The following SEMA7A variants were observed in gnomAD, a reference collection of about 807,000 sequenced individuals.
SEMA7A encodes the protein semaphorin 7A (JohnMiltonHagen blood group).
SEMA7A carries 21 observed loss-of-function variants against 67.5 expected under a neutral mutation model. That is an observed-to-expected ratio of 0.31 (90% CI 0.22 to 0.45). The LOEUF is 0.45. Ranked by LOEUF, SEMA7A falls within the 20% of genes least tolerant of loss-of-function variation. SEMA7A has a pLI of 1.00. For synonymous variants in SEMA7A, 364 were observed against 368.5 expected, an observed-to-expected ratio of 0.99 and a Z score of 0.14; for missense variants, 774 against 908.6, an observed-to-expected ratio of 0.85 and a Z score of 1.90.
Position 74,414,426 on chromosome 15 carries a change from C to A in SEMA7A, c.1294+121G>T, listed in dbSNP as rs2060927522. On this transcript the variant is annotated intron_variant, in intron 10 of 13. Coordinates refer to ENST00000261918, the MANE Select transcript of SEMA7A (RefSeq NM_003612.5). This position sits in a 1 kb window ranked among gnomAD's most constrained non-coding sequence, Gnocchi z 4.1. ...CCACACACATTAACCCCTGACAACT[C>A]CAGTCACTCAATTATTCCTTCCACA... is the stretch of plus-strand genomic sequence containing the variant. The A allele has an allele frequency of 9.4e-7, 1 of 1,059,436 alleles. No individual in the cohort carries two copies. The highest frequency in any genetic ancestry group is 1.5e-5 in the South Asian group (1 of 68,950). The allele number at this position is 1,059,436 out of a possible 1,614,324, so 65.6% of individuals were successfully genotyped here. A position where few individuals can be genotyped will look rare whatever the true frequency, so the allele number is the denominator to read the frequency against.
At chr15:74,419,259 T>A (rs2060979175) in intron 1 of SEMA7A, among the ~76,000 whole-genome samples, 1 of 152,140 alleles carries the variant, frequency 6.6e-6, no homozygotes, top group African/African-American at 2.4e-5. Context: ...AGGGACCTCT[T>A]GGGGGAACAG....
In SEMA7A at chr15:74,411,655, C is replaced by T; in HGVS notation, c.1478G>A (p.Cys493Tyr). Residue 493 changes from cysteine (C) to tyrosine (Y), a missense_variant, in exon 12 of 14, where the codon TGT (cysteine) becomes TAT (tyrosine). Physicochemically the swap from Cys to Tyr is radical, Grantham distance 194. Around this residue, in one of 2 missense-constraint regions of SEMA7A, gnomAD observed 427 missense variants for 555.4 expected, o/e 0.77. Transcript: ENST00000261918. The surrounding 1 kb of genome is among the most constrained non-coding windows in gnomAD (Gnocchi z 4.4). ...WEVSQVPLDL[C>Y]EVYGGGCHGC... ...GTGGCAGCCCCCGCCATAGACCTCA[C>T]ACAGGTCCAGGGGCACCTGGCTCAC... The T allele has an allele frequency of 6.2e-7, 1 of 1,613,646 alleles. No individual in the cohort carries two copies. Among genetic ancestry groups the T allele is most frequent in the Non-Finnish European group, 8.5e-7 (1 of 1,179,952 alleles).
intron 1 of SEMA7A, among the ~76,000 whole-genome samples, chr15:74,429,749 C>A (rs1488456339): frequency 6.6e-6 from 1 of 152,122 alleles, no homozygotes; most frequent in Admixed American, 6.5e-5. Flanking sequence ...TTCGGGAGCC[C>A]CCAGGCCCAG....
At position 74,411,621 on chromosome 15, in the gene SEMA7A, G is replaced by A. The variant is rs779623865; in HGVS notation, c.1512C>T (p.Leu504=). The change falls in exon 12 of 14, where the codon CTC becomes CTT. Residue 504 remains leucine, a synonymous_variant. Transcript: ENST00000261918. The surrounding 1 kb of genome is among the most constrained non-coding windows in gnomAD (Gnocchi z 4.4). ...AGCCGCAGTAGGGGTCTCGGGACATGAGGCAACCGTGGCAGCCCCCGCCAT... is the reference window on the plus strand; with the variant it reads ...AGCCGCAGTAGGGGTCTCGGGACATAAGGCAACCGTGGCAGCCCCCGCCAT... The part of the protein sequence containing the change: ...EVYGGGCHGC[L]MSRDPYCGWD... 1.6e-5 allele frequency: 25 copies of A among 1,609,366 alleles called. No individual in the cohort carries two copies. The East Asian group carries it at 2.2e-4, about 14-fold the overall frequency.
chr15:74,414,998 A>T lies in SEMA7A; in HGVS notation c.987-52T>A, dbSNP rs939333304. On this transcript the variant is annotated intron_variant, in intron 8 of 13. Transcript: ENST00000261918. This position sits in a 1 kb window ranked among gnomAD's most constrained non-coding sequence, Gnocchi z 4.1. ...TGGGGGGCCCAGAACCCACCCATCC[A>T]CCTCCACTCACCCAGGCCAGCCTTG... The T allele has an allele frequency of 6.9e-7, 1 of 1,446,762 alleles. No individual in the cohort carries two copies. The highest frequency in any genetic ancestry group is 9.6e-7 in the Non-Finnish European group (1 of 1,037,478). The allele number at this position is 1,446,762 out of a possible 1,614,324, so 89.6% of individuals were successfully genotyped here. A position where few individuals can be genotyped will look rare whatever the true frequency, so the allele number is the denominator to read the frequency against.
intron 1 of SEMA7A, among the ~76,000 whole-genome samples, chr15:74,424,448 A>T (rs867811593): frequency 6.6e-6 from 1 of 152,198 alleles, no homozygotes; most frequent in Non-Finnish European, 1.5e-5. Flanking sequence ...TGACATTCTC[A>T]TCTGCTTCCA....
intron 3 of SEMA7A, 98 bp from the exon 4 acceptor site, chr15:74,418,067 G>A (rs1596192424): frequency 2.1e-6 from 3 of 1,407,158 alleles, no homozygotes; most frequent in Admixed American, 3.5e-5. Flanking sequence ...GAAGGTGTCA[G>A]AAGGGCTTAG....
chr15:74,412,309 T>A (rs370187548), intron 10 of SEMA7A, among the ~76,000 whole-genome samples: 2 of 152,248 alleles, frequency 1.3e-5, no homozygotes, highest in East Asian at 3.9e-4. Flanking sequence ...ACCAGCAAGG[T>A]CAGTGCGGCT....
chr15:74,420,382 G>C (rs1387960260), intron 1 of SEMA7A, among the ~76,000 whole-genome samples: 1 of 152,210 alleles, frequency 6.6e-6, no homozygotes, highest in Non-Finnish European at 1.5e-5. Context: ...CAGCAGGCAG[G>C]ACACATTAGC....
At chr15:74,415,745 T>C (rs1403401241) in intron 8 of SEMA7A, 56 bp downstream of exon 8, 1 of 1,526,510 alleles carries the variant, frequency 6.6e-7, no homozygotes, top group African/African-American at 1.4e-5. Context: ...AGGCCTCCTG[T>C]CCCTACTGGA....
chr15:74,422,877 C>T (rs2061011985), intron 1 of SEMA7A, among the ~76,000 whole-genome samples: 1 of 152,228 alleles, frequency 6.6e-6, no homozygotes, highest in Admixed American at 6.5e-5. Flanking sequence ...CCCGCTGTCC[C>T]CATACTCTTG....
Position 74,411,700 on chromosome 15 carries a change from T to C in SEMA7A, c.1433A>G (p.Tyr478Cys), listed in dbSNP as rs2060902287. ...MSLDAERRKL[Y>C]VSSQWEVSQV... The stretch of plus-strand genomic sequence containing the variant: ...GCTCACCTCCCACTGGGAGCTCACA[T>C]ACAGCTTCCTCTGGAAGGACAGCAG... Residue 478 changes from tyrosine (Y) to cysteine (C), a missense_variant, in exon 12 of 14, where the codon TAT becomes TGT. Tyr to Cys is a radical substitution (Grantham distance 194). This residue lies in a region of SEMA7A where 427 missense variants were observed against 555.4 expected (regional missense o/e 0.77). Coordinates refer to ENST00000261918, the MANE Select transcript of SEMA7A (RefSeq NM_003612.5). This position sits in a 1 kb window ranked among gnomAD's most constrained non-coding sequence, Gnocchi z 4.4. 1 of 1,613,252 alleles carries C rather than the reference T, an allele frequency of 6.2e-7. No homozygotes were observed. Among genetic ancestry groups the C allele is most frequent in the Non-Finnish European group, 8.5e-7 (1 of 1,179,992 alleles).
rs756386928 is a variant in SEMA7A, at chr15:74,418,915, A to C, written c.216T>G (p.Thr72=). Residue 72 remains threonine (T), a synonymous_variant, in exon 2 of 14, where the codon ACT becomes ACG. Transcript: ENST00000261918. ...CGTGGAAAAGCACCGTGTGCGGCTC[A>C]GTCTGGCCAAAGTCCACCCGGTCCT... is the stretch of plus-strand genomic sequence containing the variant. ...VGQDRVDFGQ[T]EPHTVLFHEP... is the part of the protein sequence containing the mutation. 14 of 1,613,704 alleles carry C rather than the reference A, an allele frequency of 8.7e-6. No individual in the cohort carries two copies. The Admixed American group carries it at 1.5e-4, about 17-fold the overall frequency.
At chr15:74,431,268 G>A (rs946096706) in intron 1 of SEMA7A, among the ~76,000 whole-genome samples, 2 of 152,168 alleles carry the variant, frequency 1.3e-5, no homozygotes, top group South Asian at 4.1e-4. Context: ...TCAAAGACAA[G>A]TGTGGAGCTC....
At position 74,417,682 on chromosome 15, in the gene SEMA7A, G is replaced by A; in HGVS notation, c.466-7C>T. On this transcript the variant is annotated splice_region_variant and splice_polypyrimidine_tract_variant and intron_variant, in intron 4 of 13. Coordinates refer to ENST00000261918, the MANE Select transcript of SEMA7A (RefSeq NM_003612.5). ...GCACCACAGTGCCATTCACCTGTGG[G>A]AGATCCAGAGGGTTGGATGGCCACA... 6.2e-7 allele frequency: 1 copy of A among 1,608,418 alleles called. No individual in the cohort carries two copies.
At chr15:74,427,702 C>T (rs1304691964) in intron 1 of SEMA7A, among the ~76,000 whole-genome samples, 2 of 152,134 alleles carry the variant, frequency 1.3e-5, no homozygotes, top group Non-Finnish European at 2.9e-5. Context: ...AGCCTGGCTC[C>T]TCCTCCTCCC....
chr15:74,426,020 C>T (rs1412285841), intron 1 of SEMA7A, among the ~76,000 whole-genome samples: 1 of 152,224 alleles, frequency 6.6e-6, no homozygotes, highest in South Asian at 2.1e-4. Flanking sequence ...TGCCCATAAT[C>T]CCGGCGCTTT....
At chr15:74,416,242 C>T (rs542509891) in intron 7 of SEMA7A, among the ~76,000 whole-genome samples, 3 of 152,082 alleles carry the variant, frequency 2.0e-5, no homozygotes, top group Non-Finnish European at 2.9e-5. Context: ...CAGGTCCCCA[C>T]AGAGCAGACG....
chr15:74,414,582 T>A lies in SEMA7A; in HGVS notation c.1259A>T (p.His420Leu). ...KVAVHRMQAS[H>L]GETFHVLYLT... ...GTAAAGCACATGAAAGGTCTCCCCG[T>A]GGCTGGCTTGCATGCGGTGGACGGC... The change falls in exon 10 of 14, where the codon CAC (histidine) becomes CTC (leucine). Residue 420 changes from histidine to leucine, a missense_variant. Transcript: ENST00000261918. The surrounding 1 kb of genome is among the most constrained non-coding windows in gnomAD (Gnocchi z 4.1). 6.2e-7 allele frequency: 1 copy of A among 1,614,258 alleles called. No homozygotes were observed. The highest frequency in any genetic ancestry group is 1.1e-5 in the South Asian group (1 of 91,086).
Sources: allele counts gnomAD v4.1 joint callset (sites outside exome capture counted in the v4.1 genomes callset), GRCh38; gene constraint gnomAD v4.1.1; regional missense constraint gnomAD v4.1.1; non-coding constraint Gnocchi (gnomAD v3.1); transcripts MANE v1.5; gene names NCBI Gene and HGNC (gene_info 2026-07-23, HGNC 2026-07-21).